MGAT4B: variants seen among roughly 807,000 people sequenced by gnomAD.
The protein encoded by MGAT4B is alpha-1,3-mannosyl-glycoprotein 4-beta-N-acetylglucosaminyltransferase B, also known as N-acetylglucosaminyltransferase IVb.
Under a neutral mutation model 73.9 loss-of-function variants are expected in MGAT4B, and 38 were observed. The ratio of observed to expected loss-of-function variants is 0.51; its 90% CI spans 0.40 to 0.67. MGAT4B has a LOEUF of 0.67. Among genes scored for constraint, MGAT4B ranks in the 30% least tolerant of loss-of-function variants. The probability of loss-of-function intolerance (pLI) is 0.00; values close to 1 mark genes in which losing one functional copy is unlikely to be tolerated. For missense variants in MGAT4B, 686 were observed against 735.2 expected, an observed-to-expected ratio of 0.93 and a Z score of 0.77; for synonymous variants, 373 against 313.5, an observed-to-expected ratio of 1.19 and a Z score of -2.01.
Position 179,801,503 on chromosome 5 carries a change from C to T in MGAT4B, c.425-36G>A, listed in dbSNP as rs375546132. ...CGGAGGCCCGACGCTGGAAAGGGTG[C>T]GGGGGCCACCCGTCCCCCCACCCCG... is the stretch of plus-strand genomic sequence containing the variant. On this transcript the variant is annotated intron_variant, in intron 3 of 14. Transcript: ENST00000292591. This position sits in a 1 kb window ranked among gnomAD's most constrained non-coding sequence, Gnocchi z 4.8. 2.9e-5 allele frequency: 46 copies of T among 1,602,430 alleles called. No individual in the cohort carries two copies. The highest frequency in any genetic ancestry group is 4.4e-5 in the South Asian group (4 of 90,694).
At chr5:179,802,321 C>CTTT (rs1756982825) in intron 1 of MGAT4B, 1 of 1,360,300 alleles carries the variant, frequency 7.4e-7, no homozygotes, top group Non-Finnish European at 9.4e-7. Context: ...ATCCGTTGGC[C>CTTT]TCCAAAGCCC....
chr5:179,802,288 C>T, intron 1 of MGAT4B: 1 of 1,408,190 alleles, frequency 7.1e-7, no homozygotes, highest in South Asian at 1.6e-5. Flanking sequence ...AGGGCTGGAA[C>T]AGCCTCAGAC....
Position 179,799,275 on chromosome 5 carries a change from G to A in MGAT4B, c.1077C>T (p.Ile359=), listed in dbSNP as rs754985950. ...GCTGGAAGAGGGACGGTTTGAAGCG[G>A]ATCCGCAGGTTGGCTTTCTGCCGGT... ...HCDRQKANLR[I]RFKPSLFQHV... Residue 359 remains isoleucine (I), a synonymous_variant, in exon 10 of 15, where the codon ATC becomes ATT. Transcript: ENST00000292591. The A allele has an allele frequency of 1.9e-6, 3 of 1,613,974 alleles. No individual in the cohort carries two copies. In the South Asian group the frequency reaches 3.3e-5, roughly 18 times the overall value.
At position 179,799,021 on chromosome 5, in the gene MGAT4B, T is replaced by G; in HGVS notation, c.1250A>C (p.Lys417Thr). The change falls in exon 11 of 15, where the codon AAA (lysine) becomes ACA (threonine). Residue 417 changes from lysine (K) to threonine (T), a missense_variant. By Grantham distance (78) the Lys-to-Thr change is moderately conservative (BLOSUM62 -1). Coordinates refer to ENST00000292591, the MANE Select transcript of MGAT4B (RefSeq NM_014275.5). ...GAAGAAGTCCTCGCGCAGGTAGGCT[T>G]TCTCCAGGGTGAAGTGCTGGTATGT... ...LKTYQHFTLE[K>T]AYLREDFFWA... 6.2e-7 allele frequency: 1 copy of G among 1,613,928 alleles called. No individual in the cohort carries two copies. The highest frequency in any genetic ancestry group is 8.5e-7 in the Non-Finnish European group (1 of 1,180,022).
chr5:179,800,265 G>T lies in MGAT4B; in HGVS notation c.720-6C>A, dbSNP rs746499186. The T allele has an allele frequency of 3.1e-6, 5 of 1,613,036 alleles. No homozygotes were observed. In the Admixed American group the frequency reaches 5.0e-5, roughly 16 times the overall value. ...GGTTCTGTTTGGTCCTCCACCTGTG[G>T]GCCGGGGCGGGGCCTCAGAAGTTCA... On this transcript the variant is annotated splice_region_variant and splice_polypyrimidine_tract_variant and intron_variant, in intron 6 of 14. Transcript: ENST00000292591.
intron 1 of MGAT4B, chr5:179,802,310 C>T: frequency 7.3e-7 from 1 of 1,374,316 alleles, no homozygotes; most frequent in South Asian, 1.8e-5. Flanking sequence ...GAATCCGCTC[C>T]ATCCGTTGGC....
chr5:179,799,126 A>G lies in MGAT4B; in HGVS notation c.1150-5T>C, dbSNP rs372988890. On this transcript the variant is annotated splice_region_variant and splice_polypyrimidine_tract_variant and intron_variant, in intron 10 of 14. Coordinates refer to ENST00000292591, the MANE Select transcript of MGAT4B (RefSeq NM_014275.5). Reference sequence around the variant, plus strand: ...CTGCTTTCCAAAGTCTTTGTCCTGCAGCGGAGGAGGGACAGCAGTGATGGC... The same window carrying G: ...CTGCTTTCCAAAGTCTTTGTCCTGCGGCGGAGGAGGGACAGCAGTGATGGC... The G allele has an allele frequency of 1.9e-6, 3 of 1,613,968 alleles. No individual in the cohort carries two copies. Among genetic ancestry groups the G allele is most frequent in the African/African-American group, 2.7e-5 (2 of 75,062 alleles).
Position 179,801,532 on chromosome 5 carries a change from TCCTC to T in MGAT4B, c.424+18_424+21del, listed in dbSNP as rs749227609. On this transcript the variant is annotated intron_variant, in intron 3 of 14. Transcript: ENST00000292591. This position sits in a 1 kb window ranked among gnomAD's most constrained non-coding sequence, Gnocchi z 4.8. ...GGCCACCCGTCCCCCCACCCCGTGC[TCCTC>T]CCTGTCTGCGCCCATACCTCCGGTG... 1.9e-5 allele frequency: 30 copies of T among 1,604,522 alleles called. No homozygotes were observed. Among genetic ancestry groups the T allele is most frequent in the African/African-American group, 5.4e-5 (4 of 74,640 alleles).
At chr5:179,798,098 G>A (rs1046319774) in intron 14 of MGAT4B, 30 bp from the exon 15 acceptor site, 1 of 1,606,706 alleles carries the variant, frequency 6.2e-7, no homozygotes, top group African/African-American at 1.3e-5. Flanking sequence ...GGTCAGCAGG[G>A]CCTCTGAGCT....
chr5:179,806,600 C>A lies in MGAT4B; in HGVS notation c.-17G>T. 8.2e-7 allele frequency: 1 copy of A among 1,217,086 alleles called. No homozygotes were observed. Among genetic ancestry groups the A allele is most frequent in the South Asian group, 1.7e-5 (1 of 57,230 alleles). 75.4% of individuals were successfully genotyped at this position (1,217,086 alleles called of 1,614,324 possible). A position where few individuals can be genotyped will look rare whatever the true frequency, so the allele number is the denominator to read the frequency against. On this transcript the variant is annotated 5_prime_UTR_variant, in exon 1 of 15. Transcript: ENST00000292591. This position sits in a 1 kb window ranked among gnomAD's most constrained non-coding sequence, Gnocchi z 4.6. The stretch of plus-strand genomic sequence containing the variant: ...GAGCCTCATCTCCTCGGGTGCGCGG[C>A]GGGCGCCCGCGGGGCCGAGGCTGCA...
In MGAT4B at chr5:179,801,794, G is replaced by A; in HGVS notation, c.273C>T (p.Gly91=). Residue 91 remains glycine, a synonymous_variant, in exon 2 of 15, where the codon GGC becomes GGT. Coordinates refer to ENST00000292591, the MANE Select transcript of MGAT4B (RefSeq NM_014275.5). This position sits in a 1 kb window ranked among gnomAD's most constrained non-coding sequence, Gnocchi z 4.8. ...LRDGDGNRTW[G]RLTEDPRLKP... ...CGCCCCAGACCTCACCTGTTAGGCGGCCCCAGGTGCGATTGCCGTCTCCGT... is the reference window on the plus strand; with the variant it reads ...CGCCCCAGACCTCACCTGTTAGGCGACCCCAGGTGCGATTGCCGTCTCCGT... 1 of 1,588,356 alleles carries A rather than the reference G, an allele frequency of 6.3e-7. No homozygotes were observed. The highest frequency in any genetic ancestry group is 1.1e-5 in the South Asian group (1 of 89,586).
chr5:179,798,209 G>A lies in MGAT4B; in HGVS notation c.1579C>T (p.Leu527Phe). ...ACAGGGGAGTCCGTCTGGATCGAGA[G>A]GCGCAGTGCTTCCAGAGGGCCGAAG... ...PAFGPLEALR[L>F]SIQTDSPVWV... Residue 527 changes from leucine to phenylalanine, a missense_variant, in exon 14 of 15, where the codon CTC becomes TTC. Physicochemically the swap from Leu to Phe is conservative, Grantham distance 22. Transcript: ENST00000292591. The A allele has an allele frequency of 2.5e-6, 4 of 1,602,306 alleles. No individual in the cohort carries two copies. The highest frequency in any genetic ancestry group is 3.4e-6 in the Non-Finnish European group (4 of 1,173,362).
At chr5:179,805,704 T>C (rs1176162369) in intron 1 of MGAT4B, among the ~76,000 whole-genome samples, 1 of 152,202 alleles carries the variant, frequency 6.6e-6, no homozygotes, top group Non-Finnish European at 1.5e-5. Context: ...CTCAGCCCGC[T>C]TAGGCCTCCA....
intron 5 of MGAT4B, 30 bp from the exon 6 acceptor site, chr5:179,800,627 C>T (rs2113429713): frequency 6.7e-7 from 1 of 1,486,408 alleles, no homozygotes; most frequent in East Asian, 2.3e-5. Flanking sequence ...AGTCCGTATG[C>T]AGCCTCCAGG....
At chr5:179,798,767 C>T (rs1043155633) in intron 11 of MGAT4B, 161 bp downstream of exon 11, 1 of 1,078,086 alleles carries the variant, frequency 9.3e-7, no homozygotes, top group African/African-American at 1.6e-5. Context: ...TCCCTGAGCT[C>T]CTAGGGGCTG....
Position 179,798,908 on chromosome 5 carries a change from C to T in MGAT4B, c.1343+20G>A, listed in dbSNP as rs1041668342. The T allele has an allele frequency of 1.9e-6, 3 of 1,613,172 alleles. No individual in the cohort carries two copies. The highest frequency in any genetic ancestry group is 1.7e-6 in the Non-Finnish European group (2 of 1,179,880). ...CACCCAGCCCCGCCCCCATCGCAGA[C>T]CCATGGTGCTGGCACTGACCGCTCC... On this transcript the variant is annotated intron_variant, in intron 11 of 14. Coordinates refer to ENST00000292591, the MANE Select transcript of MGAT4B (RefSeq NM_014275.5).
Position 179,806,662 on chromosome 5 carries a change from A to C in MGAT4B, c.-79T>G, listed in dbSNP as rs1757174658. 2.9e-6 allele frequency: 2 copies of C among 685,020 alleles called. No individual in the cohort carries two copies. The highest frequency in any genetic ancestry group is 1.3e-4 in the South Asian group (2 of 15,522). 42.4% of individuals were successfully genotyped at this position (685,020 alleles called of 1,614,324 possible). On this transcript the variant is annotated 5_prime_UTR_variant, in exon 1 of 15. Coordinates refer to ENST00000292591, the MANE Select transcript of MGAT4B (RefSeq NM_014275.5). The surrounding 1 kb of genome is among the most constrained non-coding windows in gnomAD (Gnocchi z 4.6). ...ACCGGGGCCGGGGCGCAGGGGTCGG[A>C]AGGCGGCGGCGGCGGCGGCAGGGGC...
At chr5:179,799,469 G>C in intron 9 of MGAT4B, 37 bp downstream of exon 9, 1 of 1,612,646 alleles carries the variant, frequency 6.2e-7, no homozygotes. Context: ...CCTGCCCCTT[G>C]GCCCTGCCCC....
In MGAT4B at chr5:179,801,484, C is replaced by A. The variant is rs1006878741; in HGVS notation, c.425-17G>T. The A allele has an allele frequency of 6.2e-7, 1 of 1,603,092 alleles. No homozygotes were observed. The highest frequency in any genetic ancestry group is 1.7e-5 in the Admixed American group (1 of 59,772). On this transcript the variant is annotated splice_polypyrimidine_tract_variant and intron_variant, in intron 3 of 14. Coordinates refer to ENST00000292591, the MANE Select transcript of MGAT4B (RefSeq NM_014275.5). The surrounding 1 kb of genome is among the most constrained non-coding windows in gnomAD (Gnocchi z 4.8). Reference sequence around the variant, plus strand: ...CCACCGACACTATGGGGGACGGAGGCCCGACGCTGGAAAGGGTGCGGGGGC... The same window carrying A: ...CCACCGACACTATGGGGGACGGAGGACCGACGCTGGAAAGGGTGCGGGGGC...
Sources: allele counts gnomAD v4.1 joint callset (sites outside exome capture counted in the v4.1 genomes callset), GRCh38; gene constraint gnomAD v4.1.1; non-coding constraint Gnocchi (gnomAD v3.1); transcripts MANE v1.5; gene names NCBI Gene and HGNC (gene_info 2026-07-23, HGNC 2026-07-21).